The following GNG12 variants were observed in gnomAD, a reference collection of about 807,000 sequenced individuals.
GNG12 encodes G protein subunit gamma 12.
For missense variants in GNG12, 69 were observed against 83.8 expected (o/e 0.82, Z 0.69); for synonymous variants, 28 against 29.7 (o/e 0.94, Z 0.19).
Position 67,705,377 on chromosome 1 carries a change from A to T in GNG12, c.*74T>A, listed in dbSNP as rs1330988364. ...TTAGCAGTGGTTACCAAATAAGCTG[A>T]AGGTAAATCTCTTCAAGGAGCTGCT... On this transcript the variant is annotated 3_prime_UTR_variant, in exon 4 of 4. Transcript: ENST00000370982. The T allele has an allele frequency of 3.2e-6, 5 of 1,561,398 alleles. No homozygotes were observed. The African/African-American group carries it at 5.5e-5, about 17-fold the overall frequency.
At chr1:67,807,483 C>T (rs1646900283) in intron 1 of GNG12, among the ~76,000 whole-genome samples, 1 of 148,948 alleles carries the variant, frequency 6.7e-6, no homozygotes. Flanking sequence ...CAAAAAAAAT[C>T]AATGAAATTA....
In GNG12 at chr1:67,824,121, A is replaced by G. The variant is rs777342169; in HGVS notation, c.-77+9223T>C. On this transcript the variant is annotated intron_variant, in intron 1 of 3. Coordinates refer to ENST00000370982, the MANE Select transcript of GNG12 (RefSeq NM_018841.6). ...TATTTGCTTGTGTTTACAAGTTGCT[A>G]CTTGCAGAGAATATGGGAAAGGCAT... Among the ~76,000 whole-genome samples, 3 of 152,214 alleles carry G rather than the reference A, an allele frequency of 2.0e-5. 1 individual carries two copies. The South Asian group carries it at 6.2e-4, about 32-fold the overall frequency.
At chr1:67,784,986 G>T (rs1646759985) in intron 1 of GNG12, among the ~76,000 whole-genome samples, 1 of 152,170 alleles carries the variant, frequency 6.6e-6, no homozygotes, top group African/African-American at 2.4e-5. Flanking sequence ...AACAGGCCAG[G>T]TGACTGAGAC....
intron 2 of GNG12, among the ~76,000 whole-genome samples, chr1:67,722,616 G>A (rs144645746): frequency 6.6e-6 from 1 of 151,328 alleles, no homozygotes; most frequent in African/African-American, 2.4e-5. Context: ...ACAGGTGGGG[G>A]TGGGGAGAAT....
intron 2 of GNG12, among the ~76,000 whole-genome samples, chr1:67,754,666 A>G (rs1402050108): frequency 6.6e-6 from 1 of 152,138 alleles, no homozygotes; most frequent in Non-Finnish European, 1.5e-5. Context: ...TTCTGTCCAC[A>G]GTTTAGATAT....
chr1:67,775,115 G>A (rs1246512711), intron 2 of GNG12, among the ~76,000 whole-genome samples: 5 of 152,042 alleles, frequency 3.3e-5, no homozygotes, highest in African/African-American at 4.8e-5. Flanking sequence ...AACACTGGCC[G>A]ACTGGAGATC....
At position 67,815,244 on chromosome 1, in the gene GNG12, T is replaced by C. The variant is rs116983013; in HGVS notation, c.-77+18100A>G. Among the ~76,000 whole-genome samples, 45 of 152,292 alleles carry C rather than the reference T, an allele frequency of 3.0e-4. 1 individual carries two copies. In the East Asian group the frequency reaches 7.9e-3, roughly 27 times the overall value. ...CTTTACAGGTTGCCTTCCCTCACAA[T>C]TTTTCCTTCACTTATATCCCTGATA... On this transcript the variant is annotated intron_variant, in intron 1 of 3. Coordinates refer to ENST00000370982, the MANE Select transcript of GNG12 (RefSeq NM_018841.6).
At chr1:67,808,242 C>G (rs1242290837) in intron 1 of GNG12, among the ~76,000 whole-genome samples, 1 of 151,986 alleles carries the variant, frequency 6.6e-6, no homozygotes, top group Non-Finnish European at 1.5e-5. Context: ...AAGCACTTGA[C>G]AAAATCCAAC....
intron 1 of GNG12, among the ~76,000 whole-genome samples, chr1:67,820,479 A>T (rs538608671): frequency 5.5e-4 from 83 of 152,236 alleles, no homozygotes; most frequent in African/African-American, 1.9e-3. Context: ...GAAACATCCA[A>T]GTACGAGAGA....
intron 2 of GNG12, among the ~76,000 whole-genome samples, chr1:67,739,825 A>T (rs921763449): frequency 6.6e-6 from 1 of 152,194 alleles, no homozygotes; most frequent in Non-Finnish European, 1.5e-5. Flanking sequence ...CAGCCAGGAA[A>T]GCCACTGTGA....
intron 1 of GNG12, among the ~76,000 whole-genome samples, chr1:67,815,631 A>G (rs1485228308): frequency 6.6e-6 from 1 of 152,092 alleles, no homozygotes; most frequent in African/African-American, 2.4e-5. Context: ...GCATACACCA[A>G]TAATTTGTAA....
chr1:67,715,493 G>T (rs1646320367), intron 2 of GNG12, among the ~76,000 whole-genome samples: 1 of 152,164 alleles, frequency 6.6e-6, no homozygotes, highest in African/African-American at 2.4e-5. Context: ...CTTGATGCTT[G>T]GGTTATTTCT....
chr1:67,790,217 G>T (rs1646793789), intron 1 of GNG12, among the ~76,000 whole-genome samples: 1 of 152,134 alleles, frequency 6.6e-6, no homozygotes. Flanking sequence ...CCTGCTTCCT[G>T]GGTAAAGCCA....
intron 2 of GNG12, among the ~76,000 whole-genome samples, chr1:67,713,332 A>G (rs919838951): frequency 6.6e-6 from 1 of 152,194 alleles, no homozygotes; most frequent in African/African-American, 2.4e-5. Context: ...TTGAATAAAC[A>G]CATGTAGTAT....
chr1:67,752,776 T>C (rs964004780), intron 2 of GNG12, among the ~76,000 whole-genome samples: 3 of 152,222 alleles, frequency 2.0e-5, no homozygotes, highest in Non-Finnish European at 4.4e-5. Flanking sequence ...TTTAGCAACA[T>C]TCTCTCTATA....
rs150236445 is a variant in GNG12 at position 67,747,080 on chromosome 1, A to C, written c.-27+30378T>G. ...CAACTTTTATGCACACAAAACTGCA[A>C]ATAATTCCTAACATGCAGTTTTAAA... On this transcript the variant is annotated intron_variant, in intron 2 of 3. Coordinates refer to ENST00000370982, the MANE Select transcript of GNG12 (RefSeq NM_018841.6). 4.9e-3 allele frequency among the ~76,000 whole-genome samples: 746 copies of C among 152,304 alleles called. 6 individuals are homozygous for C. The highest frequency in any genetic ancestry group is 0.017 in the African/African-American group (710 of 41,570).
intron 1 of GNG12, among the ~76,000 whole-genome samples, chr1:67,803,190 T>C (rs190236388): frequency 4.6e-5 from 7 of 151,538 alleles, no homozygotes; most frequent in Admixed American, 6.6e-5. Context: ...TATTCCTTGA[T>C]ATTTATCCCA....
intron 1 of GNG12, among the ~76,000 whole-genome samples, chr1:67,833,039 TTC>T (rs1377707150): frequency 6.6e-6 from 1 of 151,028 alleles, no homozygotes; most frequent in Non-Finnish European, 1.5e-5. Context: ...TGGGGGCGGC[TTC>T]CCGCAACCTC....
intron 2 of GNG12, among the ~76,000 whole-genome samples, chr1:67,730,775 T>C (rs2100699160): frequency 6.6e-6 from 1 of 152,358 alleles, no homozygotes; most frequent in East Asian, 1.9e-4. Flanking sequence ...ATTCATCAAA[T>C]ATTCCCAATT....
Sources: gnomAD v4.1 joint callset for allele counts (sites outside exome capture counted in the v4.1 genomes callset) on GRCh38, gnomAD v4.1.1 for gene constraint, MANE v1.5 for transcripts, NCBI Gene and HGNC (gene_info 2026-07-23, HGNC 2026-07-21) for gene names.